Variants in WDR37 observed in about 807,000 individuals in gnomAD.
WDR37 encodes the protein WD repeat-containing protein 37.
In WDR37, 19 loss-of-function variants were observed where a neutral mutation model predicts 62.9. That is an observed-to-expected ratio of 0.30 (90% CI 0.21 to 0.44). The LOEUF (loss-of-function observed/expected upper bound fraction) is 0.44, where lower values mean the gene tolerates loss of function less well. WDR37 is among the 20% of genes least tolerant of loss of function. The pLI is 1.00. For missense variants in WDR37, 474 were observed against 657.6 expected, an observed-to-expected ratio of 0.72 and a Z score of 3.05; for synonymous variants, 250 against 260.9, an observed-to-expected ratio of 0.96 and a Z score of 0.40.
intron 7 of WDR37, among the ~76,000 whole-genome samples, chr10:1,089,622 C>G (rs548276676): frequency 2.0e-5 from 3 of 151,822 alleles, no homozygotes; most frequent in African/African-American, 7.2e-5. Context: ...ATTCAACCTT[C>G]CCATGCTCAC....
At position 1,066,882 on chromosome 10, in the gene WDR37, C is replaced by T. The variant is rs564455121; in HGVS notation, c.-40-5234C>T. On this transcript the variant is annotated intron_variant, in intron 1 of 13. Coordinates refer to ENST00000263150, the MANE Select transcript of WDR37 (RefSeq NM_014023.4). ...CACATTCTGCGTGGATGGCGGCAGG[C>T]AGAGAGGGAGAGCTTGTGCAGGAAA... Among the ~76,000 whole-genome samples the T allele has an allele frequency of 4.6e-5, 7 of 152,266 alleles. No individual in the cohort carries two copies. The East Asian group carries it at 1.3e-3, about 29-fold the overall frequency.
intron 7 of WDR37, among the ~76,000 whole-genome samples, chr10:1,086,842 C>G (rs1394661753): frequency 6.6e-6 from 1 of 152,242 alleles, no homozygotes; most frequent in Non-Finnish European, 1.5e-5. Context: ...TAGCTCTTTT[C>G]TGCCTTTTCA....
chr10:1,110,675 C>T (rs1291581791), intron 11 of WDR37, among the ~76,000 whole-genome samples: 5 of 152,236 alleles, frequency 3.3e-5, no homozygotes, highest in African/African-American at 1.2e-4. Context: ...TTGTCTGGGA[C>T]GTTCTGAACA....
intron 1 of WDR37, among the ~76,000 whole-genome samples, chr10:1,067,140 C>T (rs140310959): frequency 6.2e-4 from 95 of 152,222 alleles, no homozygotes; most frequent in Middle Eastern, 6.8e-3. Flanking sequence ...TAACCCCACA[C>T]AAGTACAGTG....
intron 11 of WDR37, 116 bp from the exon 12 acceptor site, chr10:1,124,102 T>C: frequency 7.1e-7 from 1 of 1,407,232 alleles, no homozygotes; most frequent in Admixed American, 1.9e-5. Context: ...AGGAGAGAGC[T>C]GTGAGTTTGC....
intron 1 of WDR37, among the ~76,000 whole-genome samples, chr10:1,063,195 C>T (rs1169041907): frequency 1.3e-5 from 2 of 152,008 alleles, no homozygotes; most frequent in African/African-American, 2.4e-5. Flanking sequence ...CTTTTTGCCT[C>T]ATGTATCTCA....
At position 1,060,939 on chromosome 10, in the gene WDR37, A is replaced by G. The variant is rs141251974; in HGVS notation, c.-41+3971A>G. On this transcript the variant is annotated intron_variant, in intron 1 of 13. Coordinates refer to ENST00000263150, the MANE Select transcript of WDR37 (RefSeq NM_014023.4). ...AGCAGCAGGCTGGGCCATCTAGCCT[A>G]GGTGTGGAGTAGGCTGTGCACCTAG... Among the ~76,000 whole-genome samples, 4 of 152,334 alleles carry G rather than the reference A, an allele frequency of 2.6e-5. No individual in the cohort carries two copies. The East Asian group carries it at 7.7e-4, about 29-fold the overall frequency.
intron 7 of WDR37, among the ~76,000 whole-genome samples, chr10:1,089,751 C>T (rs574878201): frequency 1.3e-5 from 2 of 152,310 alleles, no homozygotes; most frequent in Admixed American, 1.3e-4. Flanking sequence ...TCACCGTCAC[C>T]ATCTGCTCTT....
chr10:1,101,761 A>G (rs1167643871), intron 9 of WDR37, among the ~76,000 whole-genome samples: 2 of 152,168 alleles, frequency 1.3e-5, no homozygotes, highest in Admixed American at 1.3e-4. Flanking sequence ...GTTGTTCCTC[A>G]GCCCGGGCGA....
chr10:1,063,073 G>C (rs959795931), intron 1 of WDR37, among the ~76,000 whole-genome samples: 1 of 148,296 alleles, frequency 6.7e-6, no homozygotes, highest in Admixed American at 6.7e-5. Flanking sequence ...GGAACAGAGC[G>C]ACACTCTGTT....
chr10:1,110,480 C>T (rs1446035315), intron 11 of WDR37, among the ~76,000 whole-genome samples: 2 of 152,230 alleles, frequency 1.3e-5, no homozygotes, highest in East Asian at 1.9e-4. Flanking sequence ...CTACAGAGTG[C>T]GTGATCCTTA....
intron 9 of WDR37, among the ~76,000 whole-genome samples, chr10:1,101,738 A>C (rs572137780): frequency 6.6e-6 from 1 of 152,330 alleles, no homozygotes; most frequent in African/African-American, 2.4e-5. Context: ...GCTGTTCCGC[A>C]CATGGCGGGA....
At chr10:1,111,968 C>T (rs1424189732) in intron 11 of WDR37, among the ~76,000 whole-genome samples, 1 of 151,634 alleles carries the variant, frequency 6.6e-6, no homozygotes, top group Non-Finnish European at 1.5e-5. Flanking sequence ...GTGGTGCAAT[C>T]TCGGCTCACT....
chr10:1,081,686 C>G (rs1006320355), intron 5 of WDR37, among the ~76,000 whole-genome samples: 1 of 152,070 alleles, frequency 6.6e-6, no homozygotes, highest in Non-Finnish European at 1.5e-5. Flanking sequence ...CTTATACTTA[C>G]AAGTTTTGAA....
intron 1 of WDR37, among the ~76,000 whole-genome samples, chr10:1,061,195 G>C (rs527759160): frequency 6.6e-6 from 1 of 152,286 alleles, no homozygotes; most frequent in Non-Finnish European, 1.5e-5. Context: ...GCCTCTGGTA[G>C]ATCTGCCAGT....
At chr10:1,107,254 C>T (rs1036953781) in intron 11 of WDR37, among the ~76,000 whole-genome samples, 6 of 152,210 alleles carry the variant, frequency 3.9e-5, no homozygotes, top group Non-Finnish European at 8.8e-5. Context: ...AGGGGCCCCA[C>T]AGCAAAGCCC....
Position 1,129,373 on chromosome 10 carries a change from T to C in WDR37, c.*29T>C, listed in dbSNP as rs1313046542. 1 of 1,613,570 alleles carries C rather than the reference T, an allele frequency of 6.2e-7. No individual in the cohort carries two copies. Among genetic ancestry groups the C allele is most frequent in the Non-Finnish European group, 8.5e-7 (1 of 1,179,582 alleles). ...CACCGGCAGCCCTTAGTTTCACTGT[T>C]TGCCAGCACAGACCTTTGATGGGTG... On this transcript the variant is annotated 3_prime_UTR_variant, in exon 14 of 14. Coordinates refer to ENST00000263150, the MANE Select transcript of WDR37 (RefSeq NM_014023.4).
At position 1,066,255 on chromosome 10, in the gene WDR37, A is replaced by G. The variant is rs1833538163; in HGVS notation, c.-40-5861A>G. 1.3e-5 allele frequency among the ~76,000 whole-genome samples: 2 copies of G among 152,098 alleles called. 1 individual carries two copies. Among genetic ancestry groups the G allele is most frequent in the South Asian group, 4.1e-4 (2 of 4,826 alleles). On this transcript the variant is annotated intron_variant, in intron 1 of 13. Transcript: ENST00000263150. ...CTCAGCCTCCTGAGTATCTGGGACT[A>G]CAGGTGCCTGCCACCACGCCCTGCT...
At chr10:1,093,288 T>G (rs891479513) in intron 7 of WDR37, among the ~76,000 whole-genome samples, 164 bp from the exon 8 acceptor site, 11 of 152,248 alleles carry the variant, frequency 7.2e-5, no homozygotes, top group African/African-American at 2.4e-5. Flanking sequence ...ATTGTGCCTG[T>G]GTTCTAATTC....
Sources: gnomAD v4.1 joint callset for allele counts (sites outside exome capture counted in the v4.1 genomes callset) on GRCh38, gnomAD v4.1.1 for gene constraint, MANE v1.5 for transcripts, NCBI Gene and HGNC (gene_info 2026-07-23, HGNC 2026-07-21) for gene names.